ITPRID2: variants seen among roughly 807,000 people sequenced by gnomAD.
ITPRID2 encodes ITPR interacting domain containing 2.
In ITPRID2, 60 loss-of-function variants were observed where a neutral mutation model predicts 124.3. That is an observed-to-expected ratio of 0.48 (90% confidence interval 0.39 to 0.60). The LOEUF is 0.60. Ranked by LOEUF, ITPRID2 falls within the 20% of genes least tolerant of loss-of-function variation. The pLI, the probability that ITPRID2 is intolerant of heterozygous loss-of-function variation, is 0.00. For synonymous variants in ITPRID2, 521 were observed against 542.9 expected (o/e 0.96, Z 0.56); for missense variants, 1,553 against 1,512.2 (o/e 1.03, Z -0.45).
In ITPRID2 at chr2:181,927,263, T is replaced by G. The variant is rs78409397; in HGVS notation, c.3676-898T>G. On this transcript the variant is annotated intron_variant, in intron 16 of 17. Transcript: ENST00000431877. ...ACAGGAAACTGGAAATGTAGAATTTTTAAAAGCTTGTTGAGAGTATCTTGA... is the reference window on the plus strand; with the variant it reads ...ACAGGAAACTGGAAATGTAGAATTTGTAAAAGCTTGTTGAGAGTATCTTGA... Among the ~76,000 whole-genome samples the G allele has an allele frequency of 7.1e-3, 1,085 of 152,342 alleles. 10 individuals are homozygous for G. The highest frequency in any genetic ancestry group is 0.025 in the African/African-American group (1,032 of 41,580).
In ITPRID2 at chr2:181,902,443, A is replaced by G; in HGVS notation, c.1390A>G (p.Lys464Glu). 6.3e-7 allele frequency: 1 copy of G among 1,576,408 alleles called. No homozygotes were observed. Among genetic ancestry groups the G allele is most frequent in the Non-Finnish European group, 8.6e-7 (1 of 1,162,348 alleles). Residue 464 changes from lysine to glutamate, a missense_variant, in exon 8 of 18, where the codon AAG (lysine) becomes GAG (glutamate). Lys to Glu is a moderately conservative substitution (Grantham distance 56). Transcript: ENST00000431877. This position sits in a 1 kb window ranked among gnomAD's most constrained non-coding sequence, Gnocchi z 4.4. Reference sequence around the variant, plus strand: ...CATAAGAAATATAATGACACAGCAGAAGGACTCCTTCGAAATGGAAGAGGT... The same window carrying G: ...CATAAGAAATATAATGACACAGCAGGAGGACTCCTTCGAAATGGAAGAGGT... ...PSIRNIMTQQKDSFEMEEVQS... is the reference protein window; with the variant it reads ...PSIRNIMTQQEDSFEMEEVQS...
Position 181,892,682 on chromosome 2 carries a change from C to A in ITPRID2, c.257+22C>A. ...GCCGGTGAGTGCTCCCTGGTCCGCCCGCGTCCCGGGGGAGATCCGTGCGGA... is the reference window on the plus strand; with the variant it reads ...GCCGGTGAGTGCTCCCTGGTCCGCCAGCGTCCCGGGGGAGATCCGTGCGGA... On this transcript the variant is annotated intron_variant, in intron 2 of 17. Transcript: ENST00000431877. The surrounding 1 kb of genome is among the most constrained non-coding windows in gnomAD (Gnocchi z 5.2). 4.3e-6 allele frequency: 7 copies of A among 1,613,868 alleles called. No individual in the cohort carries two copies. Among genetic ancestry groups the A allele is most frequent in the Non-Finnish European group, 5.9e-6 (7 of 1,179,924 alleles).
At position 181,922,369 on chromosome 2, in the gene ITPRID2, A is replaced by G. The variant is rs1235468211; in HGVS notation, c.3632A>G (p.His1211Arg). The G allele has an allele frequency of 7.4e-6, 12 of 1,613,880 alleles. No homozygotes were observed. The East Asian group carries it at 2.5e-4, about 33-fold the overall frequency. The change falls in exon 16 of 18, where the codon CAT (histidine) becomes CGT (arginine). Residue 1211 changes from histidine to arginine, a missense_variant. Physicochemically the swap from His to Arg is conservative, Grantham distance 29. Transcript: ENST00000431877. The part of the protein sequence containing the change: ...LPSMPAAEEM[H>R]KNVEQDELQQ... ...TCAATGCCAGCTGCTGAGGAAATGC[A>G]TAAAAATGTGGAGCAAGATGAGTTG...
chr2:181,918,381 C>T, intron 11 of ITPRID2: 1 of 1,314,626 alleles, frequency 7.6e-7, no homozygotes, highest in Non-Finnish European at 9.7e-7. Flanking sequence ...TCGCCTCCTC[C>T]TCCCACGTAG....
Position 181,900,726 on chromosome 2 carries a change from A to G in ITPRID2, c.534A>G (p.Glu178=). 1 of 1,610,604 alleles carries G rather than the reference A, an allele frequency of 6.2e-7. No individual in the cohort carries two copies. The highest frequency in any genetic ancestry group is 1.1e-5 in the South Asian group (1 of 89,832). Residue 178 remains glutamate (E), a synonymous_variant, in exon 7 of 18, where the codon GAA becomes GAG. Transcript: ENST00000431877. Reference sequence around the variant, plus strand: ...CAGAATTGTTGGAACTTTATGAGGAAGATCCTGAAGAAATTCTTTATAATC... The same window carrying G: ...CAGAATTGTTGGAACTTTATGAGGAGGATCCTGAAGAAATTCTTTATAATC... The part of the protein sequence containing the change: ...SVSELLELYE[E]DPEEILYNLG...
In ITPRID2 at chr2:181,928,267, CAG is replaced by C. The variant is rs1178513395; in HGVS notation, c.*4_*5del. On this transcript the variant is annotated 3_prime_UTR_variant, in exon 17 of 18. Transcript: ENST00000431877. ...AATTCTAAGCAAGATTATCATTAAA[CAG>C]AAATTATAGGTAAATTTTTCTGAGT... 3.9e-6 allele frequency: 6 copies of C among 1,523,648 alleles called. No homozygotes were observed. Among genetic ancestry groups the C allele is most frequent in the African/African-American group, 2.8e-5 (2 of 71,692 alleles). The allele number at this position is 1,523,648 out of a possible 1,614,324, so 94.4% of individuals were successfully genotyped here.
rs150730378 is a variant in ITPRID2 at position 181,929,576 on chromosome 2, A to G, written c.*29A>G. ...CTTTTTTAAGGTTGGCATGGATCCTATTAGCTGTGTAATACTGGAATTATC... is the reference window on the plus strand; with the variant it reads ...CTTTTTTAAGGTTGGCATGGATCCTGTTAGCTGTGTAATACTGGAATTATC... On this transcript the variant is annotated 3_prime_UTR_variant, in exon 18 of 18. Coordinates refer to ENST00000431877, the MANE Select transcript of ITPRID2 (RefSeq NM_001130445.3). The G allele has an allele frequency of 8.1e-5, 131 of 1,612,308 alleles. No individual in the cohort carries two copies. The highest frequency in any genetic ancestry group is 1.1e-4 in the Non-Finnish European group (127 of 1,178,918).
At position 181,896,983 on chromosome 2, in the gene ITPRID2, AC is replaced by A. The variant is rs1344320542; in HGVS notation, c.364+20del. ...GCTGAAGGTATGTTTGTTTGGAAGA[AC>A]TGTATTTTTGTGTAGTTTTCAAATT... is the stretch of plus-strand genomic sequence containing the variant. On this transcript the variant is annotated intron_variant, in intron 4 of 17. Coordinates refer to ENST00000431877, the MANE Select transcript of ITPRID2 (RefSeq NM_001130445.3). The surrounding 1 kb of genome is among the most constrained non-coding windows in gnomAD (Gnocchi z 4.3). 2.5e-6 allele frequency: 4 copies of A among 1,606,672 alleles called. No individual in the cohort carries two copies. The highest frequency in any genetic ancestry group is 3.4e-6 in the Non-Finnish European group (4 of 1,173,830).
Position 181,919,378 on chromosome 2 carries a change from C to G in ITPRID2, c.3076C>G (p.Leu1026Val), listed in dbSNP as rs1416185747. ...CCTGGAACTGCAGCTGGAGGAGCGC[C>G]TGCTGGGCCTGGAGGAGCAGCTTCG... is the stretch of plus-strand genomic sequence containing the variant. Reference protein sequence around the residue: ...QDLELQLEERLLGLEEQLRAV... With the variant: ...QDLELQLEERVLGLEEQLRAV... Residue 1026 changes from leucine (L) to valine (V), a missense_variant, in exon 14 of 18, where the codon CTG (leucine) becomes GTG (valine). Coordinates refer to ENST00000431877, the MANE Select transcript of ITPRID2 (RefSeq NM_001130445.3). This position sits in a 1 kb window ranked among gnomAD's most constrained non-coding sequence, Gnocchi z 4.2. 6.2e-7 allele frequency: 1 copy of G among 1,613,922 alleles called. No individual in the cohort carries two copies. Among genetic ancestry groups the G allele is most frequent in the Admixed American group, 1.7e-5 (1 of 60,006 alleles).
At chr2:181,912,827 T>C (rs952211983) in intron 9 of ITPRID2, among the ~76,000 whole-genome samples, 1 of 152,280 alleles carries the variant, frequency 6.6e-6, no homozygotes. Context: ...TGTAAAACAT[T>C]ATAGATCATA....
chr2:181,929,703 T>C lies in ITPRID2; in HGVS notation c.*156T>C. ...TACAATGTGTATTTCTTCAACCATA[T>C]ATTTTAAAAAGACGTACATAGAAAC... On this transcript the variant is annotated 3_prime_UTR_variant, in exon 18 of 18. Transcript: ENST00000431877. 1 of 1,364,626 alleles carries C rather than the reference T, an allele frequency of 7.3e-7. No homozygotes were observed. The highest frequency in any genetic ancestry group is 1.0e-6 in the Non-Finnish European group (1 of 993,250). The allele number at this position is 1,364,626 out of a possible 1,614,324, so 84.5% of individuals were successfully genotyped here.
At chr2:181,921,462 A>C (rs1039460692) in intron 15 of ITPRID2, among the ~76,000 whole-genome samples, 1 of 151,964 alleles carries the variant, frequency 6.6e-6, no homozygotes, top group African/African-American at 2.4e-5. Flanking sequence ...TGGGTGACAG[A>C]GTGAGACTCC....
intron 16 of ITPRID2, among the ~76,000 whole-genome samples, chr2:181,927,622 A>G (rs1359742870): frequency 6.6e-6 from 1 of 152,218 alleles, no homozygotes; most frequent in Non-Finnish European, 1.5e-5. Flanking sequence ...TTTTTATATT[A>G]TAAAATAAAT....
chr2:181,914,999 A>C lies in ITPRID2; in HGVS notation c.1576-217A>C, dbSNP rs1397126863. 3.9e-5 allele frequency among the ~76,000 whole-genome samples: 6 copies of C among 152,196 alleles called. No individual in the cohort carries two copies. The East Asian group carries it at 1.2e-3, about 29-fold the overall frequency. ...GGGAGGTTGTTGGAAAGGGAATTTT[A>C]GGAAAACAGTGAAGTTCTGAAATAA... On this transcript the variant is annotated intron_variant, in intron 10 of 17. Coordinates refer to ENST00000431877, the MANE Select transcript of ITPRID2 (RefSeq NM_001130445.3).
Position 181,905,545 on chromosome 2 carries a change from C to T in ITPRID2, c.1413+3079C>T, listed in dbSNP as rs1463646012. ...TGATCCTTCTCAAGCAGATGTTCAT[C>T]TTTTAGATGTAAAGGAAAAACTTAA... On this transcript the variant is annotated intron_variant, in intron 8 of 17. Coordinates refer to ENST00000431877, the MANE Select transcript of ITPRID2 (RefSeq NM_001130445.3). This position sits in a 1 kb window ranked among gnomAD's most constrained non-coding sequence, Gnocchi z 4.1. Among the ~76,000 whole-genome samples the T allele has an allele frequency of 1.3e-5, 2 of 152,142 alleles. No individual in the cohort carries two copies. Among genetic ancestry groups the T allele is most frequent in the Non-Finnish European group, 2.9e-5 (2 of 68,026 alleles).
intron 2 of ITPRID2, chr2:181,893,245 A>G (rs1241971832): frequency 6.5e-6 from 1 of 153,028 alleles, no homozygotes; most frequent in African/African-American, 2.4e-5. Context: ...GTTTAATTAC[A>G]TGCTTTGGCA....
intron 6 of ITPRID2, 28 bp from the exon 7 acceptor site, chr2:181,900,668 T>C: frequency 6.7e-7 from 1 of 1,491,528 alleles, no homozygotes; most frequent in Non-Finnish European, 9.2e-7. Context: ...TATTTTCATG[T>C]TTCCTTTTTT....
chr2:181,910,726 C>A lies in ITPRID2; in HGVS notation c.1486+755C>A. 3.3e-6 allele frequency: 2 copies of A among 598,382 alleles called. No individual in the cohort carries two copies. Among genetic ancestry groups the A allele is most frequent in the South Asian group, 4.3e-5 (2 of 46,344 alleles). The allele number at this position is 598,382 out of a possible 1,614,324, so 37.1% of individuals were successfully genotyped here. A position where few individuals can be genotyped will look rare whatever the true frequency, so the allele number is the denominator to read the frequency against. On this transcript the variant is annotated intron_variant, in intron 9 of 17. Coordinates refer to ENST00000431877, the MANE Select transcript of ITPRID2 (RefSeq NM_001130445.3). The surrounding 1 kb of genome is among the most constrained non-coding windows in gnomAD (Gnocchi z 4.1). ...TGTATGTTCCTAGAATAGGAAATTA[C>A]ATGTTTGTTGTCTCCTGATCTCTGA...
At chr2:181,900,262 C>G (rs1334968057) in intron 6 of ITPRID2, among the ~76,000 whole-genome samples, 1 of 152,204 alleles carries the variant, frequency 6.6e-6, no homozygotes, top group African/African-American at 2.4e-5. Flanking sequence ...ATTGCCACTC[C>G]TAGGACAAGG....
Sources: gnomAD v4.1 joint callset for allele counts (sites outside exome capture counted in the v4.1 genomes callset) on GRCh38, gnomAD v4.1.1 for gene constraint, Gnocchi (gnomAD v3.1) non-coding constraint, MANE v1.5 for transcripts, NCBI Gene and HGNC (gene_info 2026-07-23, HGNC 2026-07-21) for gene names.